Variants in ARHGAP23 observed in about 807,000 individuals in gnomAD.
The protein encoded by ARHGAP23 is Rho GTPase activating protein 23.
In ARHGAP23, 34 loss-of-function variants were observed where a neutral mutation model predicts 136.3. That is an observed-to-expected ratio of 0.25 (90% CI 0.19 to 0.33). ARHGAP23 has a LOEUF of 0.33. ARHGAP23 is among the 10% of genes least tolerant of loss of function. The pLI is 1.00. For missense variants in ARHGAP23, 1,808 were observed against 2,139.0 expected (o/e 0.85, Z 3.05); for synonymous variants, 832 against 920.5 (o/e 0.90, Z 1.74).
chr17:38,433,067 C>T (rs1477691834), intron 1 of ARHGAP23, among the ~76,000 whole-genome samples: 1 of 152,214 alleles, frequency 6.6e-6, no homozygotes, highest in Non-Finnish European at 1.5e-5. Flanking sequence ...AGCCTCCCTC[C>T]TCAGCCTCCT....
chr17:38,469,488 C>T (rs533960188), intron 8 of ARHGAP23, 36 bp from the exon 9 acceptor site: 137 of 1,535,798 alleles, frequency 8.9e-5, no homozygotes, highest in Non-Finnish European at 1.0e-4. Flanking sequence ...CCTGCTGCCC[C>T]GCTGACCCTG....
chr17:38,491,326 G>A (rs1057103651), intron 19 of ARHGAP23, 81 bp from the exon 20 acceptor site: 2 of 1,531,590 alleles, frequency 1.3e-6, no homozygotes, highest in African/African-American at 1.4e-5. Context: ...GGATGTAGTT[G>A]GGGACAGAGG....
At chr17:38,449,695 G>A (rs1480271344) in intron 1 of ARHGAP23, among the ~76,000 whole-genome samples, 1 of 152,188 alleles carries the variant, frequency 6.6e-6, no homozygotes, top group East Asian at 1.9e-4. Context: ...AGGTTGTGGA[G>A]TGGTCATGGG....
intron 1 of ARHGAP23, among the ~76,000 whole-genome samples, chr17:38,442,064 TC>T (rs1185460474): frequency 1.3e-5 from 2 of 152,048 alleles, no homozygotes; most frequent in African/African-American, 4.8e-5. Flanking sequence ...CAAGCAATCC[TC>T]CCACCTCAGC....
intron 2 of ARHGAP23, 109 bp downstream of exon 2, chr17:38,458,372 C>A: frequency 7.3e-7 from 1 of 1,374,540 alleles, no homozygotes; most frequent in Non-Finnish European, 9.6e-7. Flanking sequence ...AGAGGCAGTC[C>A]TTCCTGGGGT....
chr17:38,463,251 G>A (rs2039504451), intron 5 of ARHGAP23, 55 bp downstream of exon 5: 1 of 1,550,878 alleles, frequency 6.4e-7, no homozygotes, highest in Non-Finnish European at 8.7e-7. Flanking sequence ...TTGCCCTGGG[G>A]ATGCCCTGGA....
At chr17:38,452,699 G>A (rs2039205244) in intron 1 of ARHGAP23, among the ~76,000 whole-genome samples, 1 of 152,194 alleles carries the variant, frequency 6.6e-6, no homozygotes, top group South Asian at 2.1e-4. Flanking sequence ...CAGTCAAGTG[G>A]GCTAGAAATG....
chr17:38,458,110 G>T lies in ARHGAP23; in HGVS notation c.72G>T (p.Leu24=). ...CTCTCTGTCTCCCACAGCTGCCACT[G>T]GGCCCAAGAGATGGGTGCTCTCCTA... ...RPEPRPPQLP[L]GPRDGCSPRR... is the part of the protein sequence containing the mutation. The change falls in exon 2 of 24, where the codon CTG becomes CTT. Residue 24 remains leucine, a synonymous_variant. Coordinates refer to ENST00000622683, the MANE Select transcript of ARHGAP23 (RefSeq NM_001199417.2). 4.6e-6 allele frequency: 7 copies of T among 1,536,092 alleles called. No individual in the cohort carries two copies. The highest frequency in any genetic ancestry group is 6.1e-6 in the Non-Finnish European group (7 of 1,146,902).
At position 38,469,986 on chromosome 17, in the gene ARHGAP23, G is replaced by A; in HGVS notation, c.1974+82G>A. On this transcript the variant is annotated intron_variant, in intron 10 of 23. Transcript: ENST00000622683. ...GTCAGGGAGGTGGGGCCACAGCCTC[G>A]GCATGGGGGTTCCTGCTCCAGCTCC... is the stretch of plus-strand genomic sequence containing the variant. 6 of 1,479,098 alleles carry A rather than the reference G, an allele frequency of 4.1e-6. No individual in the cohort carries two copies. The African/African-American group carries it at 4.2e-5, about 10-fold the overall frequency. 91.6% of individuals were successfully genotyped at this position (1,479,098 alleles called of 1,614,324 possible).
intron 1 of ARHGAP23, among the ~76,000 whole-genome samples, chr17:38,448,558 T>G (rs917728394): frequency 7.9e-5 from 12 of 151,586 alleles, no homozygotes; most frequent in African/African-American, 2.7e-4. Flanking sequence ...GTGGTAGAGA[T>G]AGGGCTCTGA....
intron 20 of ARHGAP23, among the ~76,000 whole-genome samples, chr17:38,497,242 G>A (rs767106354): frequency 9.9e-4 from 150 of 152,018 alleles, no homozygotes; most frequent in Non-Finnish European, 1.8e-3. Flanking sequence ...GAAAGCTCTC[G>A]CCTCCTGCCC....
chr17:38,441,936 C>T (rs371984149), intron 1 of ARHGAP23, among the ~76,000 whole-genome samples: 1 of 151,974 alleles, frequency 6.6e-6, no homozygotes, highest in Non-Finnish European at 1.5e-5. Flanking sequence ...GCAGCTCCCC[C>T]CTTTTTCCCC....
intron 23 of ARHGAP23, among the ~76,000 whole-genome samples, chr17:38,504,353 C>T (rs1876294503): frequency 6.6e-6 from 1 of 152,146 alleles, no homozygotes; most frequent in South Asian, 2.1e-4. Flanking sequence ...CTGGGGAGAC[C>T]AGGAATCGGA....
intron 1 of ARHGAP23, among the ~76,000 whole-genome samples, chr17:38,430,389 G>C (rs2038660912): frequency 1.3e-5 from 2 of 152,112 alleles, no homozygotes; most frequent in South Asian, 4.1e-4. Flanking sequence ...TGGGTGGGGG[G>C]AAGAGGCCCT....
At chr17:38,453,466 C>T (rs2039236368) in intron 1 of ARHGAP23, among the ~76,000 whole-genome samples, 2 of 147,054 alleles carry the variant, frequency 1.4e-5, no homozygotes, top group African/African-American at 5.0e-5. Flanking sequence ...TGTGTGCGCG[C>T]GCGCGCTGGA....
At position 38,511,038 on chromosome 17, in the gene ARHGAP23, A is replaced by G; in HGVS notation, c.*66A>G. 1 of 1,349,500 alleles carries G rather than the reference A, an allele frequency of 7.4e-7. No individual in the cohort carries two copies. The highest frequency in any genetic ancestry group is 9.5e-7 in the Non-Finnish European group (1 of 1,050,134). The allele number at this position is 1,349,500 out of a possible 1,614,324, so 83.6% of individuals were successfully genotyped here. A position where few individuals can be genotyped will look rare whatever the true frequency, so the allele number is the denominator to read the frequency against. On this transcript the variant is annotated 3_prime_UTR_variant, in exon 24 of 24. Coordinates refer to ENST00000622683, the MANE Select transcript of ARHGAP23 (RefSeq NM_001199417.2). ...AGCCCCTTTGGAACCAGGAGGCTTC[A>G]CCAGCCTGCACCTCCTCTTCTGTGG...
chr17:38,509,173 A>G (rs541013923), intron 23 of ARHGAP23, among the ~76,000 whole-genome samples: 1 of 152,218 alleles, frequency 6.6e-6, no homozygotes, highest in East Asian at 1.9e-4. Context: ...TGAAAGGCCA[A>G]GGCCCCAAAA....
intron 1 of ARHGAP23, among the ~76,000 whole-genome samples, chr17:38,456,934 G>A (rs1192181812): frequency 2.0e-5 from 3 of 151,156 alleles, no homozygotes; most frequent in East Asian, 1.9e-4. Flanking sequence ...TTTTTGAGAC[G>A]AAGTCTCGCT....
chr17:38,468,006 T>C (rs1248374417), intron 7 of ARHGAP23, among the ~76,000 whole-genome samples: 23 of 152,188 alleles, frequency 1.5e-4, no homozygotes, highest in Non-Finnish European at 1.5e-5. Flanking sequence ...GGGATGGGCG[T>C]GTCGTGGGAC....
Sources: gnomAD v4.1 joint callset for allele counts (sites outside exome capture counted in the v4.1 genomes callset) on GRCh38, gnomAD v4.1.1 for gene constraint, MANE v1.5 for transcripts, NCBI Gene and HGNC (gene_info 2026-07-23, HGNC 2026-07-21) for gene names.